IGBP1C: variants seen among roughly 807,000 people sequenced by gnomAD.
IGBP1C encodes the protein immunoglobulin-binding protein 1 family member C.
At chr17:58,668,414 A>C in the IGBP1C span, among the ~76,000 whole-genome samples, 1 of 152,170 alleles carries the variant, frequency 6.6e-6, no homozygotes, top group East Asian at 1.9e-4. Flanking sequence ...AGTAACTATA[A>C]ACCCCTGCAA....
At chr17:58,689,996 C>T in the IGBP1C span, among the ~76,000 whole-genome samples, 1 of 147,778 alleles carries the variant, frequency 6.8e-6, no homozygotes, top group Non-Finnish European at 1.5e-5. Context: ...ACTACAGGCG[C>T]CCACCACCGC....
chr17:58,680,251 C>A, the IGBP1C span, among the ~76,000 whole-genome samples: 4 of 152,030 alleles, frequency 2.6e-5, no homozygotes, highest in Non-Finnish European at 5.9e-5. Context: ...ATACACGTAA[C>A]CTGAGTAAGT....
the IGBP1C span, among the ~76,000 whole-genome samples, chr17:58,674,038 C>T: frequency 1.3e-5 from 2 of 152,150 alleles, no homozygotes; most frequent in Admixed American, 1.3e-4. Context: ...CTTTGGGAGG[C>T]CAAGGCGGGC....
chr17:58,682,859 T>C, the IGBP1C span, among the ~76,000 whole-genome samples: 1 of 152,072 alleles, frequency 6.6e-6, no homozygotes, highest in African/African-American at 2.4e-5. Context: ...AATGTTACTG[T>C]TATAATCCTC....
chr17:58,665,018 G>A, the IGBP1C span, among the ~76,000 whole-genome samples: 10 of 152,140 alleles, frequency 6.6e-5, no homozygotes, highest in Non-Finnish European at 1.3e-4. Flanking sequence ...TAAGTTTGTG[G>A]AAGTAATACA....
At chr17:58,691,723 TAAGTTACAC>T in the IGBP1C span, among the ~76,000 whole-genome samples, 1 of 146,806 alleles carries the variant, frequency 6.8e-6, no homozygotes, top group African/African-American at 2.5e-5. Flanking sequence ...CCCTGCTAAA[TAAGTTACAC>T]TCACCTAGGC....
the IGBP1C span, among the ~76,000 whole-genome samples, chr17:58,666,140 C>T: frequency 6.6e-6 from 1 of 151,558 alleles, no homozygotes; most frequent in African/African-American, 2.4e-5. Flanking sequence ...GACAAGAGTT[C>T]GAGACCAGCC....
the IGBP1C span, among the ~76,000 whole-genome samples, chr17:58,690,081 C>T: frequency 6.6e-6 from 1 of 151,732 alleles, no homozygotes. Flanking sequence ...GATCTCCTGA[C>T]CTTGTGATCT....
chr17:58,691,151 C>T, the IGBP1C span, among the ~76,000 whole-genome samples: 64 of 152,136 alleles, frequency 4.2e-4, no homozygotes, highest in Admixed American at 1.6e-3. Context: ...CCACTGCGCC[C>T]GGCCAGCTTT....
the IGBP1C span, among the ~76,000 whole-genome samples, chr17:58,688,117 T>C: frequency 3.7e-3 from 559 of 152,016 alleles, no homozygotes; most frequent in Non-Finnish European, 5.7e-3. Context: ...TTATAGACTT[T>C]TTTTGTTTTG....
chr17:58,662,638 G>A, the IGBP1C span, among the ~76,000 whole-genome samples: 1 of 152,088 alleles, frequency 6.6e-6, no homozygotes, highest in African/African-American at 2.4e-5. Context: ...CAGGTGTGCT[G>A]TCCTAAGACA....
the IGBP1C span, among the ~76,000 whole-genome samples, chr17:58,668,014 C>G: frequency 6.6e-6 from 1 of 152,066 alleles, no homozygotes; most frequent in African/African-American, 2.4e-5. Context: ...GTAAAGGAAC[C>G]CTGCTAAGTC....
At chr17:58,679,639 C>G in the IGBP1C span, 1 of 152,182 alleles carries the variant, frequency 6.6e-6, no homozygotes, top group Admixed American at 6.6e-5. Context: ...CAAACCTCAC[C>G]CTGAAAAATC....
chr17:58,674,498 C>T, the IGBP1C span, among the ~76,000 whole-genome samples: 64 of 151,936 alleles, frequency 4.2e-4, no homozygotes, highest in African/African-American at 1.5e-3. Context: ...GGCGAAACCC[C>T]GTCTCTACTA....
the IGBP1C span, among the ~76,000 whole-genome samples, chr17:58,679,115 T>C: frequency 2.0e-5 from 3 of 152,008 alleles, no homozygotes; most frequent in South Asian, 4.2e-4. Flanking sequence ...GATTGCGCCA[T>C]TGTACTCCAG....
the IGBP1C span, among the ~76,000 whole-genome samples, chr17:58,664,620 C>T: frequency 6.6e-6 from 1 of 152,148 alleles, no homozygotes; most frequent in East Asian, 1.9e-4. Flanking sequence ...GGAAAACAGA[C>T]TTGCCAGACC....
At chr17:58,677,970 T>C in the IGBP1C span, among the ~76,000 whole-genome samples, 15 of 152,114 alleles carry the variant, frequency 9.9e-5, no homozygotes, top group Admixed American at 8.5e-4. Flanking sequence ...GCCAACATGG[T>C]GAAACCCCAT....
At chr17:58,664,670 G>T in the IGBP1C span, among the ~76,000 whole-genome samples, 1 of 152,104 alleles carries the variant, frequency 6.6e-6, no homozygotes, top group Non-Finnish European at 1.5e-5. Flanking sequence ...ATTTTGAAGG[G>T]CCCATACTTT....
chr17:58,662,044 G>C, the IGBP1C span, among the ~76,000 whole-genome samples: 1 of 151,916 alleles, frequency 6.6e-6, no homozygotes, highest in East Asian at 2.0e-4. Context: ...ATCAGGCCCG[G>C]ATTTGGTAAC....
Sources: gnomAD v4.1 joint callset for allele counts (sites outside exome capture counted in the v4.1 genomes callset) on GRCh38, gnomAD v4.1.1 for gene constraint, MANE v1.5 for transcripts, NCBI Gene and HGNC (gene_info 2026-07-23, HGNC 2026-07-21) for gene names.